Variants in LSAMP observed in about 807,000 individuals in gnomAD.
LSAMP encodes the protein limbic system associated membrane protein.
Under a neutral mutation model 38.6 loss-of-function variants are expected in LSAMP, and 7 were observed. That is an observed-to-expected ratio of 0.18 (90% CI 0.10 to 0.34). The LOEUF (loss-of-function observed/expected upper bound fraction) is 0.34. LSAMP is among the 10% of genes least tolerant of loss of function. The pLI is 1.00. For missense variants in LSAMP, 313 were observed against 420.0 expected, an observed-to-expected ratio of 0.75 and a Z score of 2.23; for synonymous variants, 154 against 166.8, an observed-to-expected ratio of 0.92 and a Z score of 0.59.
chr3:116,209,575 ATGTG>A (rs1245951031), intron 1 of LSAMP, among the ~76,000 whole-genome samples: 2 of 152,112 alleles, frequency 1.3e-5, no homozygotes, highest in African/African-American at 4.8e-5. Flanking sequence ...TGGTTTCAGT[ATGTG>A]TGTATGTTTG....
In LSAMP at chr3:115,890,404, T is replaced by G. The variant is rs375455469; in HGVS notation, c.515-37787A>C. On this transcript the variant is annotated intron_variant, in intron 3 of 6. Transcript: ENST00000490035. ...GCACAATTTACTCCTCTATTATCTCTAATCTGTCTATTAATCAACATGGAA... is the reference window on the plus strand; with the variant it reads ...GCACAATTTACTCCTCTATTATCTCGAATCTGTCTATTAATCAACATGGAA... Among the ~76,000 whole-genome samples the G allele has an allele frequency of 2.0e-3, 310 of 152,072 alleles. 1 individual carries two copies. Among genetic ancestry groups the G allele is most frequent in the African/African-American group, 7.3e-3 (302 of 41,522 alleles).
At chr3:116,222,485 A>G (rs182613766) in intron 1 of LSAMP, among the ~76,000 whole-genome samples, 50 of 152,066 alleles carry the variant, frequency 3.3e-4, no homozygotes, top group Admixed American at 2.6e-4. Context: ...TTAAACTCAT[A>G]ATTTTCCATC....
chr3:115,941,530 T>C (rs1480521810), intron 3 of LSAMP, among the ~76,000 whole-genome samples: 1 of 151,908 alleles, frequency 6.6e-6, no homozygotes, highest in East Asian at 1.9e-4. Context: ...TAAATGTCCA[T>C]CAACAGATAA....
chr3:116,348,093 G>A (rs2048087793), intron 1 of LSAMP, among the ~76,000 whole-genome samples: 1 of 151,812 alleles, frequency 6.6e-6, no homozygotes, highest in African/African-American at 2.4e-5. Flanking sequence ...TTCCACTCTC[G>A]AAATTTCACA....
chr3:115,993,851 T>C (rs957299205), intron 3 of LSAMP, among the ~76,000 whole-genome samples: 1 of 152,064 alleles, frequency 6.6e-6, no homozygotes, highest in African/African-American at 2.4e-5. Flanking sequence ...AAAATGAGAA[T>C]GTTGATTTAT....
At chr3:115,882,284 T>C (rs60445137) in intron 3 of LSAMP, among the ~76,000 whole-genome samples, 22,618 of 152,004 alleles carry the variant, frequency 0.15, 2,025 homozygotes, top group African/African-American at 0.26. Context: ...ACCCACCTTG[T>C]ACCAGGTGCT....
intron 1 of LSAMP, among the ~76,000 whole-genome samples, chr3:116,149,431 G>C (rs1479528720): frequency 6.6e-6 from 1 of 151,908 alleles, no homozygotes; most frequent in Non-Finnish European, 1.5e-5. Context: ...CAGTCCCTTT[G>C]ACCATGTTGA....
intron 3 of LSAMP, among the ~76,000 whole-genome samples, chr3:115,940,459 TTTACAATC>T: frequency 6.6e-6 from 1 of 150,500 alleles, no homozygotes; most frequent in Non-Finnish European, 1.5e-5. Context: ...GATTGGTGCG[TTTACAATC>T]CTTTAGCTAG....
chr3:115,994,680 C>T (rs1462461428), intron 3 of LSAMP, among the ~76,000 whole-genome samples: 4 of 152,034 alleles, frequency 2.6e-5, no homozygotes, highest in Admixed American at 1.3e-4. Flanking sequence ...AATGTAGAGT[C>T]ATTAAGAGCA....
intron 6 of LSAMP, among the ~76,000 whole-genome samples, chr3:115,813,495 G>C (rs1295935401): frequency 1.3e-5 from 2 of 152,132 alleles, no homozygotes; most frequent in African/African-American, 2.4e-5. Context: ...CAGTCATTAA[G>C]TGATGTATAA....
rs887554213 is a variant in LSAMP at position 116,298,098 on chromosome 3, G to GTGTC, written c.155+146775_155+146778dup. Among the ~76,000 whole-genome samples the GTGTC allele has an allele frequency of 6.8e-4, 103 of 152,128 alleles. 1 individual carries two copies. Among genetic ancestry groups the GTGTC allele is most frequent in the African/African-American group, 2.4e-3 (98 of 41,478 alleles). On this transcript the variant is annotated intron_variant, in intron 1 of 6. Coordinates refer to ENST00000490035, the MANE Select transcript of LSAMP (RefSeq NM_002338.5). ...CTGTTTCTCTTTATCATTCATCTAG[G>GTGTC]TGTCTGTCTATCTATCTATAAATCC... is the stretch of plus-strand genomic sequence containing the variant.
intron 2 of LSAMP, among the ~76,000 whole-genome samples, chr3:116,073,061 T>C (rs1374892203): frequency 6.6e-6 from 1 of 152,198 alleles, no homozygotes; most frequent in Middle Eastern, 3.2e-3. Flanking sequence ...TAGTCTTCAA[T>C]CCATCCTGAG....
chr3:116,214,939 G>A, intron 1 of LSAMP, among the ~76,000 whole-genome samples: 1 of 152,224 alleles, frequency 6.6e-6, no homozygotes, highest in Non-Finnish European at 1.5e-5. Flanking sequence ...TATTTTAAAA[G>A]TCTTAGAAGG....
At chr3:115,973,827 A>T (rs1939097254) in intron 3 of LSAMP, among the ~76,000 whole-genome samples, 1 of 152,210 alleles carries the variant, frequency 6.6e-6, no homozygotes, top group South Asian at 2.1e-4. Flanking sequence ...TGTTCACAAA[A>T]CAACATTTGT....
At chr3:116,044,824 G>A (rs1475869289) in intron 2 of LSAMP, among the ~76,000 whole-genome samples, 1 of 152,170 alleles carries the variant, frequency 6.6e-6, no homozygotes, top group Non-Finnish European at 1.5e-5. Context: ...AGCATGGGGA[G>A]CTCAGGCTGC....
chr3:115,950,210 C>T (rs1444625267), intron 3 of LSAMP, among the ~76,000 whole-genome samples: 1 of 152,088 alleles, frequency 6.6e-6, no homozygotes, highest in East Asian at 1.9e-4. Context: ...TTCTATTCAA[C>T]ATAGTACTGG....
chr3:116,140,281 G>A (rs1223602342), intron 1 of LSAMP, among the ~76,000 whole-genome samples: 1 of 151,942 alleles, frequency 6.6e-6, no homozygotes, highest in Non-Finnish European at 1.5e-5. Flanking sequence ...CAAACCACCA[G>A]GTGACAGTGT....
intron 2 of LSAMP, among the ~76,000 whole-genome samples, chr3:116,073,023 A>G (rs1297239739): frequency 1.3e-5 from 2 of 151,972 alleles, no homozygotes; most frequent in Non-Finnish European, 2.9e-5. Flanking sequence ...TTTCTTCTAG[A>G]GTTTTCATAA....
chr3:116,420,695 A>G (rs1054378764), intron 1 of LSAMP, among the ~76,000 whole-genome samples: 2 of 151,162 alleles, frequency 1.3e-5, no homozygotes, highest in Non-Finnish European at 2.9e-5. Context: ...ACATGGTGAA[A>G]CCCCATCTCT....
Sources: allele counts gnomAD v4.1 joint callset (sites outside exome capture counted in the v4.1 genomes callset), GRCh38; gene constraint gnomAD v4.1.1; transcripts MANE v1.5; gene names NCBI Gene and HGNC (gene_info 2026-07-23, HGNC 2026-07-21).